The following DNPEP variants were observed in gnomAD, a reference collection of about 807,000 sequenced individuals.
DNPEP encodes the protein aspartyl aminopeptidase.
DNPEP carries 46 observed loss-of-function variants against 59.1 expected under a neutral mutation model. The observed-to-expected ratio is 0.78, with a 90% CI of 0.61 to 0.99. The LOEUF (loss-of-function observed/expected upper bound fraction) is 0.99. Ranked by LOEUF, DNPEP falls within the 50% of genes least tolerant of loss-of-function variation. The pLI, the probability that DNPEP is intolerant of heterozygous loss-of-function variation, is 0.00. For missense variants in DNPEP, 617 were observed against 649.9 expected, an observed-to-expected ratio of 0.95 and a Z score of 0.55; for synonymous variants, 229 against 242.2, an observed-to-expected ratio of 0.95 and a Z score of 0.50.
upstream of DNPEP, chr2:219,387,978 G>GC: frequency 9.3e-7 from 1 of 1,076,230 alleles, no homozygotes; most frequent in Non-Finnish European, 1.2e-6. Flanking sequence ...CTCGGCATCC[G>GC]CCCCGCCCAC....
intron 13 of DNPEP, among the ~76,000 whole-genome samples, chr2:219,376,206 G>C (rs1307359324): frequency 6.6e-6 from 1 of 152,164 alleles, no homozygotes; most frequent in Non-Finnish European, 1.5e-5. Context: ...GGGAAAAGCA[G>C]GCCAGGTGTG....
rs1953309245 is a variant in DNPEP at position 219,374,914 on chromosome 2, G to A, written c.1348C>T (p.His450Tyr). The change falls in exon 14 of 15, where the codon CAC becomes TAC. Residue 450 changes from histidine to tyrosine, a missense_variant. His to Tyr is a moderately conservative substitution (Grantham distance 83, BLOSUM62 2). Coordinates refer to ENST00000273075, the MANE Select transcript of DNPEP (RefSeq NM_012100.4). ...LDLGSPQLAMHSIREMACTTG... is the reference protein window; with the variant it reads ...LDLGSPQLAMYSIREMACTTG... ...GTGCAGGCCATCTCCCGGATAGAGT[G>A]CATGGCCAGTTGGGGGCTGCCTAAA... The A allele has an allele frequency of 6.2e-7, 1 of 1,614,196 alleles. No homozygotes were observed. Among genetic ancestry groups the A allele is most frequent in the Admixed American group, 1.7e-5 (1 of 60,016 alleles).
At chr2:219,389,016 A>C (rs1294039739), upstream of DNPEP, 18 of 284,336 alleles carry the variant, frequency 6.3e-5, no homozygotes, top group Non-Finnish European at 9.0e-5. Context: ...GCCTTCTCTC[A>C]GATCTTTTCT....
intron 10 of DNPEP, 31 bp from the exon 11 acceptor site, chr2:219,382,170 T>C (rs768185294): frequency 6.3e-7 from 1 of 1,597,442 alleles, no homozygotes; most frequent in South Asian, 1.1e-5. Context: ...ACTCTGGGAA[T>C]CTGGGCTTAG....
intron 8 of DNPEP, 36 bp from the exon 9 acceptor site, chr2:219,384,479 C>T (rs769728005): frequency 6.4e-7 from 1 of 1,562,224 alleles, no homozygotes; most frequent in South Asian, 1.2e-5. Flanking sequence ...ACCTTCAACC[C>T]TCCACCCCCA....
chr2:219,386,128 G>T, intron 5 of DNPEP, 30 bp from the exon 6 acceptor site: 1 of 1,613,058 alleles, frequency 6.2e-7, no homozygotes. Flanking sequence ...GTCAGCCCAG[G>T]GTGCCTCCTA....
intron 12 of DNPEP, 25 bp downstream of exon 12, chr2:219,381,520 C>T: frequency 1.9e-6 from 3 of 1,614,036 alleles, no homozygotes; most frequent in Non-Finnish European, 2.5e-6. Flanking sequence ...CCTCCAAGTC[C>T]CTAGGGAGAA....
chr2:219,385,510 G>C lies in DNPEP; in HGVS notation c.688C>G (p.Leu230Val), dbSNP rs115897075. The change falls in exon 8 of 15, where the codon CTC becomes GTC. Residue 230 changes from leucine to valine, a missense_variant. Coordinates refer to ENST00000273075, the MANE Select transcript of DNPEP (RefSeq NM_012100.4). ...NAVDERHHSV[L>V]MSLLCAHLGL... is the part of the protein sequence containing the mutation. The stretch of plus-strand genomic sequence containing the variant: ...AGATGGGCACAGAGCAGGGACATGA[G>C]GACCGAATGGTGCCGCTCATCCTGA... 0.013 allele frequency: 21,214 copies of C among 1,604,004 alleles called. 173 individuals carry two copies. Among genetic ancestry groups the C allele is most frequent in the Non-Finnish European group, 0.017 (19,343 of 1,171,706 alleles).
At chr2:219,384,192 T>C (rs955347733) in intron 9 of DNPEP, among the ~76,000 whole-genome samples, 174 bp downstream of exon 9, 2 of 152,228 alleles carry the variant, frequency 1.3e-5, no homozygotes, top group African/African-American at 2.4e-5. Flanking sequence ...AAGGTGGCGA[T>C]GCTGAGGCTG....
At chr2:219,387,041 C>A in intron 2 of DNPEP, 29 bp downstream of exon 2, 1 of 1,612,172 alleles carries the variant, frequency 6.2e-7, no homozygotes, top group Non-Finnish European at 8.5e-7. Flanking sequence ...CAGCCTCCAC[C>A]CTCCTCCCTT....
upstream of DNPEP, among the ~76,000 whole-genome samples, chr2:219,392,322 G>T (rs1478993325): frequency 6.6e-6 from 1 of 151,610 alleles, no homozygotes; most frequent in African/African-American, 2.4e-5. Context: ...ACACTTCAGT[G>T]TGAGTTTATA....
rs758407040 is a variant in DNPEP at position 219,385,719 on chromosome 2, G to A, written c.591-13C>T. ...AAGAATGGGGACTCTGTGGGGAGACGTGGGTTGTGGGGGGATTGCGAGGAG... is the reference window on the plus strand; with the variant it reads ...AAGAATGGGGACTCTGTGGGGAGACATGGGTTGTGGGGGGATTGCGAGGAG... On this transcript the variant is annotated splice_polypyrimidine_tract_variant and intron_variant, in intron 6 of 14. Transcript: ENST00000273075. The A allele has an allele frequency of 5.0e-6, 8 of 1,592,754 alleles. No homozygotes were observed. Among genetic ancestry groups the A allele is most frequent in the South Asian group, 3.4e-5 (3 of 88,212 alleles).
intron 13 of DNPEP, among the ~76,000 whole-genome samples, chr2:219,379,582 A>C (rs1416022309): frequency 6.6e-6 from 1 of 152,228 alleles, no homozygotes; most frequent in Non-Finnish European, 1.5e-5. Context: ...TTTTAAGCCA[A>C]CTGTTGTTAC....
intron 7 of DNPEP, 49 bp downstream of exon 7, chr2:219,385,582 C>G (rs764414917): frequency 4.4e-6 from 7 of 1,606,434 alleles, no homozygotes; most frequent in Non-Finnish European, 6.0e-6. Flanking sequence ...CTCCTCCCCA[C>G]TTCTCAGGGG....
intron 13 of DNPEP, among the ~76,000 whole-genome samples, chr2:219,380,384 C>G (rs10175144): frequency 0.93 from 140,839 of 151,666 alleles, 66,184 homozygotes; most frequent in Non-Finnish European, 1. Flanking sequence ...ACTCCGCCTG[C>G]CTAATTTTTG....
chr2:219,395,192 C>T (rs375932798), intron 1 of DNPEP, among the ~76,000 whole-genome samples: 2 of 152,186 alleles, frequency 1.3e-5, no homozygotes, highest in East Asian at 3.8e-4. Flanking sequence ...AAGCAATCTG[C>T]CCTCCTCAGC....
At chr2:219,390,573 C>T (rs1954000596), upstream of DNPEP, among the ~76,000 whole-genome samples, 1 of 151,992 alleles carries the variant, frequency 6.6e-6, no homozygotes, top group South Asian at 2.1e-4. Context: ...AATGAGATAA[C>T]AGTTGGGCGT....
chr2:219,383,304 A>C (rs1342814488), intron 9 of DNPEP, 90 bp from the exon 10 acceptor site: 2 of 1,060,212 alleles, frequency 1.9e-6, no homozygotes, highest in Non-Finnish European at 2.9e-6. Flanking sequence ...ACGCTCCCCC[A>C]TCCACCAGCA....
Position 219,386,364 on chromosome 2 carries a change from A to AAG in DNPEP, c.380_381insCT (p.Val128LeufsTer18). Reference sequence around the variant, plus strand: ...AGATCCCACCACCATAGGTCTCCACACCGACTTGCTGGAAGCCCACCTGGC... The same window carrying AAG: ...AGATCCCACCACCATAGGTCTCCACAAGCCGACTTGCTGGAAGCCCACCTGGC... On this transcript the variant is annotated frameshift_variant, in exon 5 of 15. Transcript: ENST00000273075. LOFTEE classifies it high-confidence loss of function. 6.2e-7 allele frequency: 1 copy of AAG among 1,614,162 alleles called. No individual in the cohort carries two copies. The highest frequency in any genetic ancestry group is 8.5e-7 in the Non-Finnish European group (1 of 1,180,032).
Sources: gnomAD v4.1 joint callset for allele counts (sites outside exome capture counted in the v4.1 genomes callset) on GRCh38, gnomAD v4.1.1 for gene constraint, MANE v1.5 for transcripts, NCBI Gene and HGNC (gene_info 2026-07-23, HGNC 2026-07-21) for gene names.